SYNE3: variants seen among roughly 807,000 people sequenced by gnomAD.
SYNE3 encodes the protein nesprin-3.
SYNE3 carries 100 observed loss-of-function variants against 111.2 expected under a neutral mutation model. That is an observed-to-expected ratio of 0.90 (90% CI 0.77 to 1.06). The LOEUF (loss-of-function observed/expected upper bound fraction) is 1.06. Among genes scored for constraint, SYNE3 ranks in the 50% least tolerant of loss-of-function variants. SYNE3 has a pLI of 0.00. For missense variants in SYNE3, 1,160 were observed against 1,240.3 expected (o/e 0.94, Z 0.97); for synonymous variants, 547 against 533.9 (o/e 1.02, Z -0.34).
rs1566666728 is a variant in SYNE3, at chr14:95,457,310, G to C, written c.656C>G (p.Ala219Gly). The C allele has an allele frequency of 3.7e-6, 6 of 1,606,454 alleles. No homozygotes were observed. The Admixed American group carries it at 6.7e-5, about 18-fold the overall frequency. The change falls in exon 5 of 18, where the codon GCC becomes GGC. Residue 219 changes from alanine to glycine, a missense_variant. Transcript: ENST00000682763. Reference sequence around the variant, plus strand: ...TGCCTGGTACTCCTCATGCTCCCGGGCCACCTGCTCCAGCAGATCTACACG... The same window carrying C: ...TGCCTGGTACTCCTCATGCTCCCGGCCCACCTGCTCCAGCAGATCTACACG... ...QKRVDLLEQV[A>G]REHEEYQAGV...
intron 1 of SYNE3, among the ~76,000 whole-genome samples, chr14:95,483,315 G>A (rs776908979): frequency 5.9e-5 from 9 of 152,146 alleles, no homozygotes; most frequent in African/African-American, 1.9e-4. Flanking sequence ...GGCCGGGGCC[G>A]CCCACCACAA....
chr14:95,460,379 T>TG (rs1431468900), intron 4 of SYNE3, among the ~76,000 whole-genome samples: 3 of 148,492 alleles, frequency 2.0e-5, no homozygotes, highest in Admixed American at 6.7e-5. Flanking sequence ...TTTTTTTTTT[T>TG]TTTTTTTTTT....
chr14:95,447,809 A>G (rs1221091895), intron 8 of SYNE3, among the ~76,000 whole-genome samples: 2 of 152,232 alleles, frequency 1.3e-5, no homozygotes, highest in Non-Finnish European at 2.9e-5. Context: ...CTATGGGCAG[A>G]TCTGAGCCTC....
At chr14:95,504,227 T>C (rs1310206880) in intron 1 of SYNE3, among the ~76,000 whole-genome samples, 1 of 152,234 alleles carries the variant, frequency 6.6e-6, no homozygotes, top group Non-Finnish European at 1.5e-5. Flanking sequence ...GCTTTCTCGA[T>C]ATGATGGAGA....
In SYNE3 at chr14:95,500,294, G is replaced by A. The variant is rs1890286888; in HGVS notation, c.-15+16302C>T. The stretch of plus-strand genomic sequence containing the variant: ...AATTAGTACCTGCTTGTTCCTGCCA[G>A]AACTTTGAGACGCCAGGTTTACGAC... On this transcript the variant is annotated intron_variant, in intron 1 of 17. Transcript: ENST00000682763. This position sits in a 1 kb window ranked among gnomAD's most constrained non-coding sequence, Gnocchi z 4.7. Among the ~76,000 whole-genome samples the A allele has an allele frequency of 6.6e-6, 1 of 152,194 alleles. No homozygotes were observed. Among genetic ancestry groups the A allele is most frequent in the African/African-American group, 2.4e-5 (1 of 41,448 alleles).
At chr14:95,430,988 T>C (rs1885730293) in intron 17 of SYNE3, among the ~76,000 whole-genome samples, 1 of 152,238 alleles carries the variant, frequency 6.6e-6, no homozygotes, top group African/African-American at 2.4e-5. Flanking sequence ...CCTATAGATG[T>C]TACTTATGAC....
Position 95,413,022 on chromosome 14 carries a change from C to T in SYNE3, c.*4804G>A, listed in dbSNP as rs976908817. 13 of 152,178 alleles carry T rather than the reference C, an allele frequency of 8.5e-5. No individual in the cohort carries two copies. Among genetic ancestry groups the T allele is most frequent in the African/African-American group, 3.1e-4 (13 of 41,424 alleles). 9.4% of individuals were successfully genotyped at this position (152,178 alleles called of 1,614,324 possible). On this transcript the variant is annotated 3_prime_UTR_variant, in exon 18 of 18. Transcript: ENST00000682763. ...AAAATAAATCCTATGGAAAGAAAAA[C>T]TCAAGTTGTTCCCTCGTATTGTTTC...
intron 15 of SYNE3, among the ~76,000 whole-genome samples, chr14:95,434,657 A>T (rs1885982107): frequency 9.3e-6 from 1 of 107,362 alleles, no homozygotes; most frequent in Non-Finnish European, 1.8e-5. Flanking sequence ...GATTATCCTA[A>T]ATCTTTTTTT....
At chr14:95,424,957 T>C (rs1267107785) in intron 17 of SYNE3, among the ~76,000 whole-genome samples, 1 of 152,178 alleles carries the variant, frequency 6.6e-6, no homozygotes, top group African/African-American at 2.4e-5. Context: ...AATGAGCTAT[T>C]GGCCTGGCAC....
Position 95,408,707 on chromosome 14 carries a change from T to TCCCC in SYNE3, c.*9118_*9119insGGGG. ...ACATACGCGTGCATCCCTCCCACCC[T>TCCCC]GCCCACCCCTTCACATGCACACACA... On this transcript the variant is annotated 3_prime_UTR_variant, in exon 18 of 18. Transcript: ENST00000682763. 1.3e-5 allele frequency: 1 copy of TCCCC among 74,516 alleles called. No homozygotes were observed. The highest frequency in any genetic ancestry group is 2.6e-5 in the Non-Finnish European group (1 of 39,020). 4.6% of individuals were successfully genotyped at this position (74,516 alleles called of 1,614,324 possible). A position where few individuals can be genotyped will look rare whatever the true frequency, so the allele number is the denominator to read the frequency against.
chr14:95,457,306 C>T lies in SYNE3; in HGVS notation c.660G>A (p.Arg220=), dbSNP rs1887522846. 2 of 1,607,216 alleles carry T rather than the reference C, an allele frequency of 1.2e-6. No homozygotes were observed. The highest frequency in any genetic ancestry group is 2.7e-5 in the African/African-American group (2 of 73,886). Residue 220 remains arginine (R), a synonymous_variant, in exon 5 of 18, where the codon CGG becomes CGA. Coordinates refer to ENST00000682763, the MANE Select transcript of SYNE3 (RefSeq NM_152592.6). ...KRVDLLEQVA[R]EHEEYQAGVD... ...CACCTGCCTGGTACTCCTCATGCTCCCGGGCCACCTGCTCCAGCAGATCTA... is the reference window on the plus strand; with the variant it reads ...CACCTGCCTGGTACTCCTCATGCTCTCGGGCCACCTGCTCCAGCAGATCTA...
In SYNE3 at chr14:95,506,075, T is replaced by C. The variant is rs116890535; in HGVS notation, c.-15+10521A>G. Among the ~76,000 whole-genome samples the C allele has an allele frequency of 3.7e-3, 566 of 152,182 alleles. 2 individuals carry two copies. Among genetic ancestry groups the C allele is most frequent in the Non-Finnish European group, 5.3e-3 (359 of 68,018 alleles). On this transcript the variant is annotated intron_variant, in intron 1 of 17. Transcript: ENST00000682763. ...GGATTAAAAGAACAAGTTAAAAAAA[T>C]TTAAAAAAAATGGAGGGGAGATAAA...
intron 2 of SYNE3, among the ~76,000 whole-genome samples, chr14:95,472,061 G>A (rs1888564119): frequency 6.6e-6 from 1 of 152,258 alleles, no homozygotes; most frequent in Non-Finnish European, 1.5e-5. Flanking sequence ...AAAGTAGTAT[G>A]AGAGCTCAGG....
intron 6 of SYNE3, among the ~76,000 whole-genome samples, chr14:95,453,330 A>T (rs7151127): frequency 0.1 from 15,455 of 152,104 alleles, 854 homozygotes; most frequent in Middle Eastern, 0.14. Context: ...CCTCTGACCG[A>T]TCCTCCATTC....
intron 7 of SYNE3, chr14:95,450,855 T>C (rs1218733506): frequency 6.6e-6 from 1 of 152,210 alleles, no homozygotes; most frequent in Non-Finnish European, 1.5e-5. Context: ...CATATAATCA[T>C]TCTAAGTGTT....
rs575658188 is a variant in SYNE3, at chr14:95,439,067, T to C, written c.2342A>G (p.Asn781Ser). The change falls in exon 14 of 18, where the codon AAT (asparagine) becomes AGT (serine). Residue 781 changes from asparagine to serine, a missense_variant. By Grantham distance (46) the Asn-to-Ser change is conservative (BLOSUM62 1). Coordinates refer to ENST00000682763, the MANE Select transcript of SYNE3 (RefSeq NM_152592.6). ...ATGCCTGGGAATAGGATCCATGGGA[T>C]TGATGAGAAATCCTGACTTTGGGAT... ...NNIPKSGFLI[N>S]PMDPIPRHRR... The C allele has an allele frequency of 8.7e-6, 14 of 1,614,120 alleles. No homozygotes were observed. Among genetic ancestry groups the C allele is most frequent in the Non-Finnish European group, 1.0e-5 (12 of 1,180,046 alleles).
rs1886521835 is a variant in SYNE3, at chr14:95,443,434, AC to A, written c.1777-146del. ...GGGGCTCTTTCATACCAGCGGAAGT[AC>A]CAACCACATGGCTGGTCTGATGGGC... On this transcript the variant is annotated intron_variant, in intron 10 of 17. Transcript: ENST00000682763. The A allele has an allele frequency of 2.9e-6, 3 of 1,023,828 alleles. No homozygotes were observed. In the Admixed American group the frequency reaches 8.7e-5, roughly 30 times the overall value. The allele number at this position is 1,023,828 out of a possible 1,614,324, so 63.4% of individuals were successfully genotyped here.
At position 95,450,037 on chromosome 14, in the gene SYNE3, G is replaced by A. The variant is rs750448403; in HGVS notation, c.1343C>T (p.Pro448Leu). The A allele has an allele frequency of 3.2e-6, 5 of 1,562,574 alleles. No homozygotes were observed. The highest frequency in any genetic ancestry group is 4.3e-6 in the Non-Finnish European group (5 of 1,153,536). ...AVELWQHFQR[P>L]LQDLQLWKAL... is the part of the protein sequence containing the mutation. ...CTTCCACAGCTGCAGATCCTGCAGA[G>A]GCCGCTGGAAATGCTGCCACAGCTC... Residue 448 changes from proline (P) to leucine (L), a missense_variant, in exon 8 of 18, where the codon CCT becomes CTT. Transcript: ENST00000682763.
At position 95,503,610 on chromosome 14, in the gene SYNE3, C is replaced by CTTTTT. The variant is rs386382233; in HGVS notation, c.-15+12981_-15+12985dup. Among the ~76,000 whole-genome samples the CTTTTT allele has an allele frequency of 3.7e-4, 34 of 91,888 alleles. 3 individuals are homozygous for CTTTTT. The highest frequency in any genetic ancestry group is 6.6e-3 in the Middle Eastern group (1 of 152). 60.3% of individuals were successfully genotyped at this position (91,888 alleles called of 152,430 possible). A position where few individuals can be genotyped will look rare whatever the true frequency, so the allele number is the denominator to read the frequency against. ...AGATTGAGACTTGTTTCAGAACTAC[C>CTTTTT]TTTTTTTTTTTTTTTTTTTTTTTTT... is the stretch of plus-strand genomic sequence containing the variant. On this transcript the variant is annotated intron_variant, in intron 1 of 17. Transcript: ENST00000682763.
Sources: allele counts gnomAD v4.1 joint callset (sites outside exome capture counted in the v4.1 genomes callset), GRCh38; gene constraint gnomAD v4.1.1; non-coding constraint Gnocchi (gnomAD v3.1); transcripts MANE v1.5; gene names NCBI Gene and HGNC (gene_info 2026-07-23, HGNC 2026-07-21).